The following CLDN14 variants were observed in gnomAD, a reference collection of about 807,000 sequenced individuals.
CLDN14 encodes the protein claudin-14.
CLDN14 carries 2 observed loss-of-function variants against 2.1 expected under a neutral mutation model. The ratio of observed to expected loss-of-function variants is 0.96; its 90% CI spans 0.39 to 3.01. The LOEUF (loss-of-function observed/expected upper bound fraction) is 3.01. Ranked by LOEUF, CLDN14 falls within the 30% of genes most tolerant of loss-of-function variation. The pLI, the probability that CLDN14 is intolerant of heterozygous loss-of-function variation, is 0.09. For missense variants in CLDN14, 298 were observed against 328.0 expected, an observed-to-expected ratio of 0.91 and a Z score of 0.71; for synonymous variants, 136 against 154.4, an observed-to-expected ratio of 0.88 and a Z score of 0.88.
chr21:36,486,131 A>G, intron 2 of CLDN14: 1 of 1,303,090 alleles, frequency 7.7e-7, no homozygotes, highest in Non-Finnish European at 1.1e-6. Flanking sequence ...AGGATCCTGC[A>G]TCACGTCGTA....
At chr21:36,483,232 G>T (rs1237163397), upstream of CLDN14, among the ~76,000 whole-genome samples, 4 of 152,220 alleles carry the variant, frequency 2.6e-5, no homozygotes, top group African/African-American at 9.6e-5. Context: ...CTCCTTGCAC[G>T]GCCAGGTGGT....
rs1414526180 is a variant in CLDN14, at chr21:36,521,600, G to A, written c.-219-11100C>T. On this transcript the variant is annotated intron_variant, in intron 1 of 2. Coordinates refer to the CLDN14 transcript ENST00000342108. ...GAGGGCTTGGGATTGTTTTGCCAAG[G>A]AAATAATATTCCACACATTGGAGGT... Among the ~76,000 whole-genome samples the A allele has an allele frequency of 3.3e-5, 5 of 152,194 alleles. No individual in the cohort carries two copies. In the East Asian group the frequency reaches 5.8e-4, roughly 18 times the overall value.
intron 1 of CLDN14, among the ~76,000 whole-genome samples, chr21:36,471,564 T>C (rs1198765845): frequency 1.3e-5 from 2 of 152,142 alleles, no homozygotes; most frequent in African/African-American, 4.8e-5. Context: ...TCATAGAGCA[T>C]AAAAGCCCCA....
chr21:36,494,184 G>T (rs1443469864), intron 2 of CLDN14, among the ~76,000 whole-genome samples: 3 of 152,190 alleles, frequency 2.0e-5, no homozygotes, highest in Admixed American at 2.0e-4. Context: ...TCTCCCAGCG[G>T]GGGACTGTGA....
At chr21:36,510,008 C>T (rs2087171139) in intron 2 of CLDN14, among the ~76,000 whole-genome samples, 1 of 152,222 alleles carries the variant, frequency 6.6e-6, no homozygotes, top group Non-Finnish European at 1.5e-5. Context: ...ACCATAGACA[C>T]CCTGTAACCC....
chr21:36,555,459 A>G (rs1450893136), intron 1 of CLDN14, among the ~76,000 whole-genome samples: 1 of 152,238 alleles, frequency 6.6e-6, no homozygotes, highest in African/African-American at 2.4e-5. Flanking sequence ...TTGTAAGAAA[A>G]CAGGCAGCGT....
intron 1 of CLDN14, among the ~76,000 whole-genome samples, chr21:36,525,471 C>A (rs2087317959): frequency 6.6e-6 from 1 of 151,596 alleles, no homozygotes; most frequent in Non-Finnish European, 1.5e-5. Flanking sequence ...GGGCAGTGGT[C>A]AGAGAGGGGA....
intron 1 of CLDN14, among the ~76,000 whole-genome samples, chr21:36,521,892 T>C (rs559777519): frequency 4.2e-4 from 64 of 152,242 alleles, no homozygotes; most frequent in East Asian, 1.5e-3. Flanking sequence ...ATTCCCCAAA[T>C]GAAAATCACA....
At chr21:36,565,802 C>A (rs1196031697) in intron 1 of CLDN14, among the ~76,000 whole-genome samples, 1 of 152,214 alleles carries the variant, frequency 6.6e-6, no homozygotes, top group African/African-American at 2.4e-5. Flanking sequence ...TAAAAAAGTT[C>A]TCTCATCCCC....
chr21:36,501,046 C>T (rs1001029908), intron 2 of CLDN14, among the ~76,000 whole-genome samples: 32 of 152,222 alleles, frequency 2.1e-4, no homozygotes, highest in Non-Finnish European at 3.1e-4. Flanking sequence ...GCGGCTCAGC[C>T]GCAGGTCTTC....
intron 1 of CLDN14, among the ~76,000 whole-genome samples, chr21:36,470,046 C>G (rs2086691339): frequency 1.3e-5 from 2 of 151,852 alleles, no homozygotes; most frequent in Admixed American, 6.6e-5. Flanking sequence ...AAAACAAAAA[C>G]AACAACAAAA....
upstream of CLDN14, among the ~76,000 whole-genome samples, chr21:36,481,299 T>A (rs1399449013): frequency 3.3e-5 from 5 of 152,198 alleles, no homozygotes; most frequent in Non-Finnish European, 7.3e-5. Context: ...AGGAATGAAC[T>A]AACTTGGAGA....
At chr21:36,572,843 A>G (rs1024143369) in intron 1 of CLDN14, among the ~76,000 whole-genome samples, 3 of 152,222 alleles carry the variant, frequency 2.0e-5, no homozygotes, top group Admixed American at 6.5e-5. Flanking sequence ...TGCTTAGCTC[A>G]GTTCCTGGTA....
At chr21:36,516,870 T>TCA (rs1486326153) in intron 1 of CLDN14, among the ~76,000 whole-genome samples, 1 of 152,232 alleles carries the variant, frequency 6.6e-6, no homozygotes. Flanking sequence ...AGATGGAGTC[T>TCA]CACTCTGTCA....
At chr21:36,466,856 A>G (rs1479002565) in intron 1 of CLDN14, among the ~76,000 whole-genome samples, 1 of 152,208 alleles carries the variant, frequency 6.6e-6, no homozygotes, top group African/African-American at 2.4e-5. Flanking sequence ...TACTTCCTAG[A>G]TAGAATGGGG....
chr21:36,472,594 A>G (rs114763855), intron 1 of CLDN14, among the ~76,000 whole-genome samples: 2,012 of 152,344 alleles, frequency 0.013, 29 homozygotes, highest in African/African-American at 0.044. Flanking sequence ...GGTGAAGGCC[A>G]GACTGGAACC....
chr21:36,551,612 C>T lies in CLDN14; in HGVS notation c.-220+24799G>A, dbSNP rs759509373. Among the ~76,000 whole-genome samples, 3 of 152,120 alleles carry T rather than the reference C, an allele frequency of 2.0e-5. No individual in the cohort carries two copies. The highest frequency in any genetic ancestry group is 2.9e-5 in the Non-Finnish European group (2 of 68,022). On this transcript the variant is annotated intron_variant, in intron 1 of 2. Transcript: ENST00000342108. This position sits in a 1 kb window ranked among gnomAD's most constrained non-coding sequence, Gnocchi z 4.8. ...GGTCTTGTGATCTGGATCTGAGATG[C>T]CGCCTTGGGTGGTGGGTAGAGGGAT...
chr21:36,497,171 AAGGG>A (rs1568859303), intron 2 of CLDN14, among the ~76,000 whole-genome samples: 2 of 2,000 alleles, frequency 1.0e-3, no homozygotes, highest in East Asian at 0.015. Flanking sequence ...GGGAGGGAGG[AAGGG>A]AGGGAGGAAG....
chr21:36,485,453 C>A (rs904857942), intron 2 of CLDN14, among the ~76,000 whole-genome samples: 1 of 151,684 alleles, frequency 6.6e-6, no homozygotes, highest in Non-Finnish European at 1.5e-5. Context: ...AAGTGATCCA[C>A]CCGCCTCAGC....
Sources: gnomAD v4.1 joint callset for allele counts (sites outside exome capture counted in the v4.1 genomes callset) on GRCh38, gnomAD v4.1.1 for gene constraint, Gnocchi (gnomAD v3.1) non-coding constraint, MANE v1.5 for transcripts, NCBI Gene and HGNC (gene_info 2026-07-23, HGNC 2026-07-21) for gene names.